MFSD11: variants seen among roughly 807,000 people sequenced by gnomAD.
MFSD11 encodes major facilitator superfamily domain containing 11, also known as UNC93-like protein MFSD11.
A neutral mutation model predicts 53.5 loss-of-function variants in MFSD11; 36 were observed. That is an observed-to-expected ratio of 0.67 (90% confidence interval 0.52 to 0.89). The LOEUF (loss-of-function observed/expected upper bound fraction) is 0.89. Ranked by LOEUF, MFSD11 falls within the 40% of genes least tolerant of loss-of-function variation. The pLI, the probability that MFSD11 is intolerant of heterozygous loss-of-function variation, is 0.00. For synonymous variants in MFSD11, 186 were observed against 184.9 expected (o/e 1.01, Z -0.05); for missense variants, 530 against 543.9 (o/e 0.97, Z 0.25).
the MFSD11 span, among the ~76,000 whole-genome samples, chr17:76,790,172 C>T: frequency 6.9e-6 from 1 of 145,542 alleles, no homozygotes; most frequent in Non-Finnish European, 1.5e-5. Context: ...ACCTCTGCCT[C>T]CTGGGTTCAA....
chr17:76,765,566 G>A (rs1397271560), intron 8 of MFSD11, among the ~76,000 whole-genome samples: 2 of 146,482 alleles, frequency 1.4e-5, no homozygotes, highest in African/African-American at 2.5e-5. Context: ...AGGCTCAAGC[G>A]ATCCTCCCAT....
chr17:76,775,854 G>A (rs1176248109), intron 11 of MFSD11, among the ~76,000 whole-genome samples: 1 of 152,146 alleles, frequency 6.6e-6, no homozygotes, highest in African/African-American at 2.4e-5. Context: ...TCTTGATAAG[G>A]GATACTCAAC....
chr17:76,767,265 A>G (rs1193705989), intron 8 of MFSD11, 121 bp from the exon 9 acceptor site: 13 of 624,382 alleles, frequency 2.1e-5, no homozygotes, highest in African/African-American at 7.4e-5. Context: ...TGAAAGTTAT[A>G]TCCCAAAGTG....
chr17:76,792,451 T>C, the MFSD11 span, among the ~76,000 whole-genome samples: 6 of 150,996 alleles, frequency 4.0e-5, no homozygotes, highest in Admixed American at 2.0e-4. Flanking sequence ...TTCTTTCTTT[T>C]TTTTTTTTCC....
rs142395149 is a variant in MFSD11, at chr17:76,743,210, G to A, written c.438-188G>A. Among the ~76,000 whole-genome samples the A allele has an allele frequency of 1.8e-3, 271 of 152,178 alleles. 1 individual carries two copies. Among genetic ancestry groups the A allele is most frequent in the African/African-American group, 6.2e-3 (256 of 41,500 alleles). ...ATGGAAGGAGACTGAATTCCATCTGGGGCAGTTAAGTTTATCAGAGTCCAG... is the reference window on the plus strand; with the variant it reads ...ATGGAAGGAGACTGAATTCCATCTGAGGCAGTTAAGTTTATCAGAGTCCAG... On this transcript the variant is annotated intron_variant, in intron 5 of 12. Transcript: ENST00000685175.
downstream of MFSD11, among the ~76,000 whole-genome samples, chr17:76,780,516 T>TG (rs1187822345): frequency 2.7e-4 from 39 of 145,470 alleles, no homozygotes; most frequent in African/African-American, 1.0e-3. Context: ...GTTGTGTATG[T>TG]GTTTTTTTTT....
the MFSD11 span, among the ~76,000 whole-genome samples, chr17:76,795,548 A>C: frequency 1.3e-5 from 2 of 152,078 alleles, no homozygotes; most frequent in African/African-American, 4.8e-5. Flanking sequence ...TGCAAATACT[A>C]TGCTATTTTA....
the MFSD11 span, among the ~76,000 whole-genome samples, chr17:76,800,607 A>T: frequency 3.3e-5 from 5 of 152,072 alleles, no homozygotes; most frequent in Non-Finnish European, 5.9e-5. Flanking sequence ...AAGCCCTTTA[A>T]TGGTACATTA....
the MFSD11 span, among the ~76,000 whole-genome samples, chr17:76,794,854 A>G: frequency 1.3e-5 from 2 of 150,816 alleles, no homozygotes; most frequent in African/African-American, 4.9e-5. Flanking sequence ...CACCATGCCC[A>G]GCTAATTTTT....
At chr17:76,789,242 G>C in the MFSD11 span, among the ~76,000 whole-genome samples, 1 of 150,332 alleles carries the variant, frequency 6.7e-6, no homozygotes, top group East Asian at 1.9e-4. Context: ...CAAGTGCCCT[G>C]TTCAGCCTTG....
Position 76,776,329 on chromosome 17 carries a change from T to C in MFSD11, c.1050-77T>C. ...TTACAACTTGCAGGTAGAATTCTTT[T>C]GTGGGTGGGTTGCTTGTATATTTTA... is the stretch of plus-strand genomic sequence containing the variant. On this transcript the variant is annotated intron_variant, in intron 11 of 12. Transcript: ENST00000685175. The surrounding 1 kb of genome is among the most constrained non-coding windows in gnomAD (Gnocchi z 4.2). 6.8e-7 allele frequency: 1 copy of C among 1,480,278 alleles called. No homozygotes were observed. Among genetic ancestry groups the C allele is most frequent in the South Asian group, 1.2e-5 (1 of 80,314 alleles). 91.7% of individuals were successfully genotyped at this position (1,480,278 alleles called of 1,614,324 possible).
chr17:76,781,443 G>A (rs1205751392), downstream of MFSD11: 6 of 152,210 alleles, frequency 3.9e-5, no homozygotes, highest in African/African-American at 1.4e-4. Context: ...ACTAGTTCCA[G>A]CCTATTCTCA....
In MFSD11 at chr17:76,738,936, A is replaced by T. The variant is rs1224434557; in HGVS notation, c.97-2A>T. On this transcript the variant is annotated splice_acceptor_variant, in intron 1 of 12. Coordinates refer to ENST00000685175, the MANE Select transcript of MFSD11 (RefSeq NM_001242532.5). LOFTEE classifies it high-confidence loss of function. ...CGTTGATTAGTTTTATCTTCCACAC[A>T]GCAAACTGTCATCAGGAGCTTAAAT... is the stretch of plus-strand genomic sequence containing the variant. 1.4e-5 allele frequency: 23 copies of T among 1,613,948 alleles called. No homozygotes were observed. The highest frequency in any genetic ancestry group is 1.9e-5 in the Non-Finnish European group (23 of 1,179,772).
chr17:76,737,404 A>T (rs1381906673), upstream of MFSD11: 6 of 483,138 alleles, frequency 1.2e-5, no homozygotes, highest in Non-Finnish European at 1.8e-5. Context: ...CCGGAAATGA[A>T]ACCTTCTGAT....
the MFSD11 span, among the ~76,000 whole-genome samples, chr17:76,798,489 T>G: frequency 2.0e-5 from 3 of 152,190 alleles, no homozygotes; most frequent in Admixed American, 1.3e-4. Context: ...ACCAGTCATT[T>G]GTGAGACTAT....
At chr17:76,786,423 T>G (rs2082274621), downstream of MFSD11, among the ~76,000 whole-genome samples, 1 of 152,126 alleles carries the variant, frequency 6.6e-6, no homozygotes, top group African/African-American at 2.4e-5. Context: ...ATTACAGGCA[T>G]AAGCCACCAC....
intron 8 of MFSD11, 195 bp downstream of exon 8, chr17:76,754,282 A>G (rs940740159): frequency 1.2e-4 from 63 of 541,944 alleles, no homozygotes; most frequent in Non-Finnish European, 1.4e-4. Context: ...GGATGATGGT[A>G]TGACTGCCCA....
chr17:76,736,818 A>T, upstream of MFSD11: 1 of 1,589,214 alleles, frequency 6.3e-7, no homozygotes, highest in South Asian at 1.1e-5. Flanking sequence ...CGGCGTCCGT[A>T]GCCACCGCCC....
chr17:76,793,471 C>G, the MFSD11 span, among the ~76,000 whole-genome samples: 1 of 151,502 alleles, frequency 6.6e-6, no homozygotes, highest in Non-Finnish European at 1.5e-5. Flanking sequence ...CTGAACATTG[C>G]TGTTATCCTG....
Sources: allele counts gnomAD v4.1 joint callset (sites outside exome capture counted in the v4.1 genomes callset), GRCh38; gene constraint gnomAD v4.1.1; non-coding constraint Gnocchi (gnomAD v3.1); transcripts MANE v1.5; gene names NCBI Gene and HGNC (gene_info 2026-07-23, HGNC 2026-07-21).